KLHDC1: variants seen among roughly 807,000 people sequenced by gnomAD.
KLHDC1 encodes the protein kelch domain containing 1.
Under a neutral mutation model 68.3 loss-of-function variants are expected in KLHDC1, and 53 were observed. That is an observed-to-expected ratio of 0.78 (90% CI 0.62 to 0.98). The LOEUF (loss-of-function observed/expected upper bound fraction) is 0.98. KLHDC1 is among the 50% of genes least tolerant of loss of function. The probability of loss-of-function intolerance (pLI) is 0.00; values close to 1 mark genes in which losing one functional copy is unlikely to be tolerated. For synonymous variants in KLHDC1, 148 were observed against 159.0 expected (o/e 0.93, Z 0.52); for missense variants, 470 against 492.3 (o/e 0.95, Z 0.43).
intron 4 of KLHDC1, among the ~76,000 whole-genome samples, chr14:49,721,426 G>A (rs1285010949): frequency 1.3e-5 from 2 of 151,794 alleles, no homozygotes; most frequent in Non-Finnish European, 2.9e-5. Context: ...CAAGCAATCC[G>A]CCTGCCTCAG....
At chr14:49,705,512 G>A (rs1395609741) in intron 1 of KLHDC1, among the ~76,000 whole-genome samples, 2 of 151,424 alleles carry the variant, frequency 1.3e-5, no homozygotes, top group Non-Finnish European at 2.9e-5. Context: ...AAGACTATAG[G>A]CGCCCGCCAC....
At chr14:49,711,175 T>A (rs962325716) in intron 4 of KLHDC1, among the ~76,000 whole-genome samples, 1 of 151,654 alleles carries the variant, frequency 6.6e-6, no homozygotes, top group Non-Finnish European at 1.5e-5. Context: ...GTGTTTTTAC[T>A]TTATTTATTT....
At position 49,708,648 on chromosome 14, in the gene KLHDC1, A is replaced by G. The variant is rs1487114941; in HGVS notation, c.97-511A>G. 2.6e-5 allele frequency: 4 copies of G among 152,610 alleles called. No homozygotes were observed. In the East Asian group the frequency reaches 5.7e-4, roughly 22 times the overall value. 9.5% of individuals were successfully genotyped at this position (152,610 alleles called of 1,614,324 possible). ...CCTTATATTCTAGATTTAATGAACA[A>G]CTAATACTATGCCTTGCATATAGTA... On this transcript the variant is annotated intron_variant, in intron 1 of 12. Coordinates refer to ENST00000359332, the MANE Select transcript of KLHDC1 (RefSeq NM_172193.3).
chr14:49,713,839 TATA>T lies in KLHDC1; in HGVS notation c.404+3459_404+3461del, dbSNP rs1182978116. Among the ~76,000 whole-genome samples, 49 of 6,256 alleles carry T rather than the reference TATA, an allele frequency of 7.8e-3. 1 individual carries two copies. Among genetic ancestry groups the T allele is most frequent in the Non-Finnish European group, 0.014 (30 of 2,080 alleles). 4.1% of individuals were successfully genotyped at this position (6,256 alleles called of 152,430 possible). On this transcript the variant is annotated intron_variant, in intron 4 of 12. Transcript: ENST00000359332. ...ATATATATATATATATATATATATA[TATA>T]TATATATATTTTTTTTTTTTTTTTT...
chr14:49,704,470 T>C (rs1887996358), intron 1 of KLHDC1, among the ~76,000 whole-genome samples: 1 of 133,338 alleles, frequency 7.5e-6, no homozygotes, highest in African/African-American at 2.8e-5. Flanking sequence ...CTGGGGTCAC[T>C]GCAACCTCTG....
intron 11 of KLHDC1, among the ~76,000 whole-genome samples, chr14:49,741,247 A>C (rs771476252): frequency 7.6e-4 from 115 of 152,080 alleles, no homozygotes; most frequent in Non-Finnish European, 1.5e-3. Flanking sequence ...TTCCTTCTGA[A>C]TCTTACCTAC....
chr14:49,743,942 A>G (rs1224181821), intron 12 of KLHDC1, 137 bp downstream of exon 12: 1 of 575,436 alleles, frequency 1.7e-6, no homozygotes, highest in African/African-American at 1.9e-5. Context: ...TCCTAAGAGT[A>G]TAATCAAATT....
intron 12 of KLHDC1, among the ~76,000 whole-genome samples, chr14:49,744,902 A>G (rs1479932765): frequency 6.6e-6 from 1 of 152,200 alleles, no homozygotes; most frequent in Non-Finnish European, 1.5e-5. Flanking sequence ...CAAAGCTAGT[A>G]TTAAGTTGGT....
intron 10 of KLHDC1, among the ~76,000 whole-genome samples, chr14:49,737,785 A>T (rs1888963754): frequency 6.8e-6 from 1 of 146,774 alleles, no homozygotes; most frequent in South Asian, 2.3e-4. Flanking sequence ...GGATCACTTG[A>T]GCCTGGGAGA....
chr14:49,748,135 G>A (rs539968953), intron 12 of KLHDC1, among the ~76,000 whole-genome samples: 1 of 152,276 alleles, frequency 6.6e-6, no homozygotes, highest in East Asian at 1.9e-4. Context: ...CCTGAGCAAG[G>A]TCATAAAGAA....
In KLHDC1 at chr14:49,735,855, G is replaced by T. The variant is rs575875184; in HGVS notation, c.896+1194G>T. Among the ~76,000 whole-genome samples the T allele has an allele frequency of 6.4e-3, 962 of 150,462 alleles. 8 individuals carry two copies. The highest frequency in any genetic ancestry group is 9.7e-3 in the Admixed American group (146 of 15,068). The stretch of plus-strand genomic sequence containing the variant: ...GTGAGACCCCATTGCTACAGTTTTG[G>T]TTTTTTTTTAATGGCCGGGTGTGGT... On this transcript the variant is annotated intron_variant, in intron 10 of 12. Coordinates refer to ENST00000359332, the MANE Select transcript of KLHDC1 (RefSeq NM_172193.3).
At chr14:49,729,675 A>C in intron 8 of KLHDC1, 127 bp downstream of exon 8, 1 of 627,126 alleles carries the variant, frequency 1.6e-6, no homozygotes, top group Middle Eastern at 2.6e-4. Flanking sequence ...ATGTCTAAGC[A>C]AGGACTATAT....
intron 1 of KLHDC1, among the ~76,000 whole-genome samples, chr14:49,702,930 C>A (rs150578663): frequency 2.9e-3 from 446 of 152,278 alleles, no homozygotes; most frequent in African/African-American, 0.01. Flanking sequence ...GCACCAGTGA[C>A]CACAGACCTG....
At chr14:49,704,232 T>G (rs1326663558) in intron 1 of KLHDC1, among the ~76,000 whole-genome samples, 3 of 152,138 alleles carry the variant, frequency 2.0e-5, no homozygotes, top group Non-Finnish European at 4.4e-5. Context: ...ACTATTTGTG[T>G]CTTTTGTAAA....
intron 4 of KLHDC1, among the ~76,000 whole-genome samples, chr14:49,711,300 C>T (rs536159707): frequency 6.6e-6 from 1 of 152,340 alleles, no homozygotes; most frequent in East Asian, 1.9e-4. Flanking sequence ...CTCCCAGGTT[C>T]AAGCAATTCT....
intron 5 of KLHDC1, 57 bp downstream of exon 5, chr14:49,724,009 T>G: frequency 1.1e-6 from 1 of 934,002 alleles, no homozygotes; most frequent in South Asian, 1.5e-5. Flanking sequence ...CTTAACATCT[T>G]AGAAATAATG....
chr14:49,736,765 C>G (rs904700717), intron 10 of KLHDC1, among the ~76,000 whole-genome samples: 11 of 152,278 alleles, frequency 7.2e-5, no homozygotes, highest in Admixed American at 2.0e-4. Flanking sequence ...TTAGCAGCAT[C>G]CCTGTCCTTT....
chr14:49,743,378 C>T (rs1889115157), intron 11 of KLHDC1, among the ~76,000 whole-genome samples: 3 of 138,252 alleles, frequency 2.2e-5, no homozygotes, highest in South Asian at 4.4e-4. Context: ...CCAGTCTGGG[C>T]GACAGAGCAG....
At chr14:49,703,166 G>A (rs1887954466) in intron 1 of KLHDC1, among the ~76,000 whole-genome samples, 1 of 151,716 alleles carries the variant, frequency 6.6e-6, no homozygotes, top group Admixed American at 6.6e-5. Flanking sequence ...TACCTTTATT[G>A]TTTATTATGC....
Sources: gnomAD v4.1 joint callset for allele counts (sites outside exome capture counted in the v4.1 genomes callset) on GRCh38, gnomAD v4.1.1 for gene constraint, MANE v1.5 for transcripts, NCBI Gene and HGNC (gene_info 2026-07-23, HGNC 2026-07-21) for gene names.